Variants in WDR27 observed in about 807,000 individuals in gnomAD.
The protein encoded by WDR27 is WD repeat domain 27.
WDR27 carries 100 observed loss-of-function variants against 114.4 expected under a neutral mutation model. That is an observed-to-expected ratio of 0.87 (90% CI 0.74 to 1.03). The LOEUF (loss-of-function observed/expected upper bound fraction) is 1.03. WDR27 is among the 50% of genes least tolerant of loss of function. The pLI is 0.00. For missense variants in WDR27, 1,129 were observed against 1,092.9 expected, an observed-to-expected ratio of 1.03 and a Z score of -0.47; for synonymous variants, 449 against 423.1, an observed-to-expected ratio of 1.06 and a Z score of -0.75.
At chr6:169,643,424 T>C (rs1055190747) in intron 17 of WDR27, among the ~76,000 whole-genome samples, 3 of 152,268 alleles carry the variant, frequency 2.0e-5, no homozygotes, top group Non-Finnish European at 4.4e-5. Context: ...ATTTAGGATT[T>C]GACTTCATTC....
intron 25 of WDR27, among the ~76,000 whole-genome samples, chr6:169,471,944 C>T (rs771162755): frequency 6.6e-6 from 1 of 152,148 alleles, no homozygotes; most frequent in Non-Finnish European, 1.5e-5. Flanking sequence ...CAGGAGCATG[C>T]CCTCCAACCT....
chr6:169,443,050 C>T, the WDR27 span, among the ~76,000 whole-genome samples: 1 of 152,224 alleles, frequency 6.6e-6, no homozygotes, highest in Non-Finnish European at 1.5e-5. Context: ...AAAGAATTAC[C>T]TATGTCTGAG....
In WDR27 at chr6:169,685,897, T is replaced by C. The variant is rs565829072; in HGVS notation, c.189+2920A>G. ...CAAACCAAATAGGTCCTTTTAGAGGTACATTATAGTCAAATTGTCAAAATC... is the reference window on the plus strand; with the variant it reads ...CAAACCAAATAGGTCCTTTTAGAGGCACATTATAGTCAAATTGTCAAAATC... On this transcript the variant is annotated intron_variant, in intron 2 of 25. Transcript: ENST00000448612. Among the ~76,000 whole-genome samples, 4 of 152,236 alleles carry C rather than the reference T, an allele frequency of 2.6e-5. No homozygotes were observed. The South Asian group carries it at 8.3e-4, about 32-fold the overall frequency.
the WDR27 span, among the ~76,000 whole-genome samples, chr6:169,446,706 C>A: frequency 6.6e-6 from 1 of 152,208 alleles, no homozygotes; most frequent in Non-Finnish European, 1.5e-5. Flanking sequence ...CTTGTTCTTA[C>A]AAACATAACT....
the WDR27 span, among the ~76,000 whole-genome samples, chr6:169,444,096 G>A: frequency 6.6e-6 from 1 of 152,072 alleles, no homozygotes; most frequent in Non-Finnish European, 1.5e-5. Context: ...TCCCAGTCAC[G>A]TGTCCAGATG....
intron 25 of WDR27, among the ~76,000 whole-genome samples, chr6:169,560,962 G>T (rs73792946): frequency 0.016 from 2,453 of 151,946 alleles, 61 homozygotes; most frequent in African/African-American, 0.057. Context: ...TAGAATTTTT[G>T]TTCTTATTAT....
chr6:169,465,939 T>C (rs1174732005), intron 25 of WDR27, among the ~76,000 whole-genome samples: 3 of 152,188 alleles, frequency 2.0e-5, no homozygotes, highest in Admixed American at 6.5e-5. Context: ...TGGAGAGGGA[T>C]AGTGGTGGTG....
At chr6:169,631,987 C>T (rs1816515867) in intron 21 of WDR27, among the ~76,000 whole-genome samples, 3 of 151,988 alleles carry the variant, frequency 2.0e-5, no homozygotes, top group Non-Finnish European at 4.4e-5. Context: ...GAGTTCGAGA[C>T]CAGCCTGACC....
At chr6:169,653,751 T>C (rs2128247483) in intron 13 of WDR27, among the ~76,000 whole-genome samples, 1 of 152,234 alleles carries the variant, frequency 6.6e-6, no homozygotes, top group South Asian at 2.1e-4. Flanking sequence ...GACAAGATAT[T>C]GAAACTGAGG....
chr6:169,465,187 G>T (rs1785393576), intron 25 of WDR27, among the ~76,000 whole-genome samples: 1 of 151,904 alleles, frequency 6.6e-6, no homozygotes, highest in African/African-American at 2.4e-5. Context: ...GAACCTGGGA[G>T]GTGGAGATTG....
chr6:169,525,066 G>A (rs1794791720), intron 25 of WDR27, among the ~76,000 whole-genome samples: 1 of 151,940 alleles, frequency 6.6e-6, no homozygotes, highest in South Asian at 2.1e-4. Flanking sequence ...ATAAGCAGCT[G>A]AAGCAGCATG....
the WDR27 span, among the ~76,000 whole-genome samples, chr6:169,437,147 T>C: frequency 0.37 from 56,703 of 151,990 alleles, 13,302 homozygotes; most frequent in Non-Finnish European, 0.53. Context: ...AAAAGGGAAA[T>C]TATAGAACAA....
intron 21 of WDR27, among the ~76,000 whole-genome samples, chr6:169,621,267 C>CAT (rs1386819305): frequency 1.3e-5 from 2 of 151,390 alleles, no homozygotes; most frequent in African/African-American, 4.9e-5. Context: ...TACATTCATG[C>CAT]ATACACACAC....
chr6:169,591,107 G>A (rs375807704), intron 23 of WDR27, among the ~76,000 whole-genome samples: 64 of 152,218 alleles, frequency 4.2e-4, no homozygotes, highest in African/African-American at 1.4e-3. Flanking sequence ...CCGACTGTGC[G>A]GGAGCTCCCC....
rs372307389 is a variant in WDR27, at chr6:169,577,702, C to T, written c.2523+5134G>A. On this transcript the variant is annotated intron_variant, in intron 24 of 25. Transcript: ENST00000448612. ...GGAAACCGGCCTTTTCCTCCGCGGC[C>T]CATGGGAGTGGTTCGTTACAGCGGC... 1.1e-4 allele frequency among the ~76,000 whole-genome samples: 17 copies of T among 152,324 alleles called. 1 individual carries two copies. In the East Asian group the frequency reaches 2.5e-3, roughly 23 times the overall value.
At chr6:169,481,527 GT>G (rs1788077837) in intron 25 of WDR27, among the ~76,000 whole-genome samples, 2 of 152,294 alleles carry the variant, frequency 1.3e-5, no homozygotes, top group South Asian at 4.1e-4. Context: ...CTTCGGGTTC[GT>G]GGCGCCTTTA....
chr6:169,488,441 C>G (rs978234970), intron 25 of WDR27, among the ~76,000 whole-genome samples: 1 of 152,174 alleles, frequency 6.6e-6, no homozygotes, highest in Non-Finnish European at 1.5e-5. Flanking sequence ...ATTTTAAGAT[C>G]ATGTCTTATC....
intron 22 of WDR27, among the ~76,000 whole-genome samples, chr6:169,612,684 GA>G (rs1277109341): frequency 1.7e-4 from 26 of 149,914 alleles, no homozygotes; most frequent in Non-Finnish European, 3.1e-4. Flanking sequence ...CTTCCTGCAG[GA>G]CCTGCCTGAG....
At chr6:169,621,586 GCACGCATATACATACCCACACATGCATT>G (rs1232685347) in intron 21 of WDR27, among the ~76,000 whole-genome samples, 12 of 123,782 alleles carry the variant, frequency 9.7e-5, no homozygotes, top group Admixed American at 5.7e-4. Context: ...ACACATGCAC[GCACGCATATACATACCCACACATGCATT>G]CACGCATATA....
Sources: gnomAD v4.1 joint callset for allele counts (sites outside exome capture counted in the v4.1 genomes callset) on GRCh38, gnomAD v4.1.1 for gene constraint, MANE v1.5 for transcripts, NCBI Gene and HGNC (gene_info 2026-07-23, HGNC 2026-07-21) for gene names.